Variants in ARHGEF12 observed in about 807,000 individuals in gnomAD.
ARHGEF12 encodes the protein Rho guanine nucleotide exchange factor 12, also known as KMT2A/ARHGEF12 fusion protein.
A neutral mutation model predicts 211.2 loss-of-function variants in ARHGEF12; 66 were observed. The observed-to-expected ratio is 0.31, with a 90% CI of 0.26 to 0.38. ARHGEF12 has a LOEUF of 0.38. Ranked by LOEUF, ARHGEF12 falls within the 10% of genes least tolerant of loss-of-function variation. The pLI, the probability that ARHGEF12 is intolerant of heterozygous loss-of-function variation, is 1.00. For synonymous variants in ARHGEF12, 592 were observed against 638.4 expected (o/e 0.93, Z 1.09); for missense variants, 1,429 against 1,869.5 (o/e 0.76, Z 4.34).
intron 28 of ARHGEF12, 35 bp downstream of exon 28, chr11:120,465,397 G>A (rs781220014): frequency 1.2e-6 from 2 of 1,611,064 alleles, no homozygotes; most frequent in Non-Finnish European, 8.5e-7. Flanking sequence ...AAAAAAATAA[G>A]GCAAGTTTTT....
At chr11:120,346,495 C>T (rs542251432) in intron 1 of ARHGEF12, among the ~76,000 whole-genome samples, 11 of 152,316 alleles carry the variant, frequency 7.2e-5, no homozygotes, top group African/African-American at 2.2e-4. Flanking sequence ...CAAAGCAAGT[C>T]ATATGGTCAG....
intron 2 of ARHGEF12, among the ~76,000 whole-genome samples, chr11:120,407,047 C>T (rs1253839627): frequency 1.3e-5 from 2 of 151,990 alleles, no homozygotes; most frequent in Admixed American, 1.3e-4. Flanking sequence ...TATGTCATTC[C>T]TAATTATTAT....
chr11:120,481,354 C>T lies in ARHGEF12; in HGVS notation c.4332C>T (p.Gly1444=), dbSNP rs1024132546. The change falls in exon 39 of 41, where the codon GGC becomes GGT. Residue 1444 remains glycine, a synonymous_variant. Coordinates refer to ENST00000397843, the MANE Select transcript of ARHGEF12 (RefSeq NM_015313.3). ...ASSLTLQPMT[G]IPAVESTHQQ... is the part of the protein sequence containing the mutation. Reference sequence around the variant, plus strand: ...CACTTACCCTGCAGCCCATGACAGGCATCCCTGCTGTGGAATCCACCCACC... The same window carrying T: ...CACTTACCCTGCAGCCCATGACAGGTATCCCTGCTGTGGAATCCACCCACC... 2.5e-6 allele frequency: 4 copies of T among 1,614,184 alleles called. No individual in the cohort carries two copies. The highest frequency in any genetic ancestry group is 3.4e-6 in the Non-Finnish European group (4 of 1,180,030).
intron 1 of ARHGEF12, among the ~76,000 whole-genome samples, chr11:120,381,413 T>C (rs1388369798): frequency 6.6e-6 from 1 of 152,196 alleles, no homozygotes; most frequent in East Asian, 1.9e-4. Flanking sequence ...TATGTACACA[T>C]GAAAAGCAAA....
intron 39 of ARHGEF12, among the ~76,000 whole-genome samples, chr11:120,482,441 C>A (rs1399966085): frequency 2.6e-5 from 4 of 152,022 alleles, no homozygotes; most frequent in African/African-American, 9.7e-5. Context: ...AAGAGAAAGA[C>A]CTATCTTAAA....
intron 12 of ARHGEF12, among the ~76,000 whole-genome samples, chr11:120,437,772 T>C (rs1420102352): frequency 6.6e-6 from 1 of 152,202 alleles, no homozygotes; most frequent in Admixed American, 6.5e-5. Context: ...CATTCTACTT[T>C]CTGTCTCTAT....
At position 120,427,537 on chromosome 11, in the gene ARHGEF12, T is replaced by TA. The variant is rs548654543; in HGVS notation, c.407-520dup. Among the ~76,000 whole-genome samples, 1,472 of 142,648 alleles carry TA rather than the reference T, an allele frequency of 0.01. 87 individuals are homozygous for TA. The South Asian group carries it at 0.17, about 16-fold the overall frequency. 93.6% of individuals were successfully genotyped at this position (142,648 alleles called of 152,430 possible). A position where few individuals can be genotyped will look rare whatever the true frequency, so the allele number is the denominator to read the frequency against. Reference sequence around the variant, plus strand: ...GGGCAACATGGCGAAACCCTATCTTTAAAAAAAAAAAACATTGCAGCTACT... The same window carrying TA: ...GGGCAACATGGCGAAACCCTATCTTTAAAAAAAAAAAAACATTGCAGCTACT... On this transcript the variant is annotated intron_variant, in intron 7 of 40. Transcript: ENST00000397843.
chr11:120,453,679 C>T (rs994370729), intron 22 of ARHGEF12, among the ~76,000 whole-genome samples: 1 of 152,102 alleles, frequency 6.6e-6, no homozygotes, highest in Non-Finnish European at 1.5e-5. Flanking sequence ...TTCTTGCCAC[C>T]GTTAATGCAG....
At chr11:120,406,598 G>A (rs1017027576) in intron 2 of ARHGEF12, among the ~76,000 whole-genome samples, 9 of 151,778 alleles carry the variant, frequency 5.9e-5, no homozygotes, top group African/African-American at 9.7e-5. Context: ...TCACTCTGTT[G>A]CCCAGCCTGG....
chr11:120,436,748 T>C (rs960421660), intron 11 of ARHGEF12, among the ~76,000 whole-genome samples: 15 of 152,172 alleles, frequency 9.9e-5, no homozygotes, highest in Admixed American at 6.5e-5. Context: ...TATAGAAGAT[T>C]TGCGTATGCA....
At chr11:120,394,191 AAG>A (rs1944304007) in intron 1 of ARHGEF12, among the ~76,000 whole-genome samples, 1 of 152,062 alleles carries the variant, frequency 6.6e-6, no homozygotes, top group Non-Finnish European at 1.5e-5. Context: ...CCTATTAGAA[AAG>A]AGAGAAGGTC....
At chr11:120,424,001 T>C (rs1367448120) in intron 6 of ARHGEF12, among the ~76,000 whole-genome samples, 2 of 152,228 alleles carry the variant, frequency 1.3e-5, no homozygotes, top group Admixed American at 6.5e-5. Flanking sequence ...ATTATTAATT[T>C]TGACAAATTG....
chr11:120,445,561 C>T (rs1038459776), intron 16 of ARHGEF12, 97 bp downstream of exon 16: 5 of 1,172,900 alleles, frequency 4.3e-6, no homozygotes, highest in African/African-American at 1.5e-5. Context: ...GGTGACTAGT[C>T]GATCACCTGA....
At chr11:120,477,883 GAAAA>G (rs1428274429) in intron 36 of ARHGEF12, among the ~76,000 whole-genome samples, 4 of 138,980 alleles carry the variant, frequency 2.9e-5, no homozygotes, top group Non-Finnish European at 4.6e-5. Flanking sequence ...AAGAAAAAAA[GAAAA>G]AAAAGAAAAT....
At chr11:120,342,766 G>T (rs1435643488) in intron 1 of ARHGEF12, among the ~76,000 whole-genome samples, 2 of 152,056 alleles carry the variant, frequency 1.3e-5, no homozygotes, top group Admixed American at 1.3e-4. Flanking sequence ...GTTCTAAAAG[G>T]CTTTTTTACA....
At chr11:120,426,493 A>G (rs1300350926) in intron 7 of ARHGEF12, among the ~76,000 whole-genome samples, 1 of 152,180 alleles carries the variant, frequency 6.6e-6, no homozygotes. Context: ...TGTATTCTGG[A>G]TATAATAAAA....
intron 13 of ARHGEF12, 29 bp from the exon 14 acceptor site, chr11:120,441,678 T>C (rs1945871803): frequency 1.3e-6 from 2 of 1,554,908 alleles, no homozygotes; most frequent in African/African-American, 2.7e-5. Flanking sequence ...ATGTTGGAGT[T>C]ACTGATGCAT....
rs13377216 is a variant in ARHGEF12, at chr11:120,348,313, G to C, written c.32+11038G>C. Among the ~76,000 whole-genome samples the C allele has an allele frequency of 9.7e-3, 1,479 of 152,224 alleles. 25 individuals are homozygous for C. Among genetic ancestry groups the C allele is most frequent in the African/African-American group, 0.033 (1,357 of 41,530 alleles). ...TGCCCAAGAAGAATAAGTTTGACTTGCCATGATTCATACTGTTTTTCTGTT... is the reference window on the plus strand; with the variant it reads ...TGCCCAAGAAGAATAAGTTTGACTTCCCATGATTCATACTGTTTTTCTGTT... On this transcript the variant is annotated intron_variant, in intron 1 of 40. Transcript: ENST00000397843.
At chr11:120,431,736 T>G in intron 10 of ARHGEF12, 35 bp from the exon 11 acceptor site, 1 of 1,539,604 alleles carries the variant, frequency 6.5e-7, no homozygotes, top group South Asian at 1.3e-5. Flanking sequence ...CTTTTATGTG[T>G]TTGTGTGCGC....
Sources: gnomAD v4.1 joint callset for allele counts (sites outside exome capture counted in the v4.1 genomes callset) on GRCh38, gnomAD v4.1.1 for gene constraint, MANE v1.5 for transcripts, NCBI Gene and HGNC (gene_info 2026-07-23, HGNC 2026-07-21) for gene names.